Variants in DISC1 observed in about 807,000 individuals in gnomAD.
DISC1 encodes disrupted in schizophrenia 1 protein.
DISC1 carries 57 observed loss-of-function variants against 84.5 expected under a neutral mutation model. The observed-to-expected ratio is 0.67, with a 90% CI of 0.55 to 0.84. DISC1 has a LOEUF of 0.84. Among genes scored for constraint, DISC1 ranks in the 40% least tolerant of loss-of-function variants. The probability of loss-of-function intolerance (pLI) is 0.00; values close to 1 mark genes in which losing one functional copy is unlikely to be tolerated. For missense variants in DISC1, 1,000 were observed against 1,057.8 expected (o/e 0.95, Z 0.76); for synonymous variants, 411 against 415.2 (o/e 0.99, Z 0.12).
chr1:231,698,352 A>G lies in DISC1; in HGVS notation c.1047+3547A>G, dbSNP rs1263547580. On this transcript the variant is annotated intron_variant, in intron 2 of 12. Coordinates refer to ENST00000439617, the MANE Select transcript of DISC1 (RefSeq NM_018662.3). The surrounding 1 kb of genome is among the most constrained non-coding windows in gnomAD (Gnocchi z 4.9). ...GAAATCGCTGCTTAGCGAGATTTCC[A>G]GGGGTTGCATGGGACTGAGAAGATG... is the stretch of plus-strand genomic sequence containing the variant. Among the ~76,000 whole-genome samples, 1 of 152,190 alleles carries G rather than the reference A, an allele frequency of 6.6e-6. No homozygotes were observed. The highest frequency in any genetic ancestry group is 1.5e-5 in the Non-Finnish European group (1 of 68,018).
At chr1:231,762,504 G>GTT in intron 4 of DISC1, among the ~76,000 whole-genome samples, 1 of 78,812 alleles carries the variant, frequency 1.3e-5, no homozygotes, top group African/African-American at 4.5e-5. Flanking sequence ...CTAATTTTTA[G>GTT]TTTTGTTTTG....
At chr1:231,912,853 C>T (rs1445956264) in intron 9 of DISC1, among the ~76,000 whole-genome samples, 3 of 145,296 alleles carry the variant, frequency 2.1e-5, no homozygotes, top group Middle Eastern at 3.4e-3. Flanking sequence ...TCTTCTTCTC[C>T]TCCTCCTCCT....
chr1:231,878,787 C>A (rs1041563673), intron 9 of DISC1, among the ~76,000 whole-genome samples: 1 of 152,148 alleles, frequency 6.6e-6, no homozygotes, highest in Non-Finnish European at 1.5e-5. Context: ...CCTTCCAAGT[C>A]CTCAGCATGT....
At chr1:231,981,031 C>T (rs1377962265) in intron 10 of DISC1, among the ~76,000 whole-genome samples, 2 of 152,242 alleles carry the variant, frequency 1.3e-5, no homozygotes, top group Non-Finnish European at 2.9e-5. Flanking sequence ...ACTGCAGCCT[C>T]AACCTCCTGG....
In DISC1 at chr1:232,026,429, C is replaced by T. The variant is rs576778316; in HGVS notation, c.2308-6C>T. On this transcript the variant is annotated splice_polypyrimidine_tract_variant and splice_region_variant and intron_variant, in intron 11 of 12. Coordinates refer to ENST00000439617, the MANE Select transcript of DISC1 (RefSeq NM_018662.3). ...ACAAGTGATCTTGTTTTCCCCCTCT[C>T]GCCAGGAATCTTACATCCTTTCTGC... is the stretch of plus-strand genomic sequence containing the variant. 34 of 1,583,114 alleles carry T rather than the reference C, an allele frequency of 2.1e-5. No individual in the cohort carries two copies. The East Asian group carries it at 2.7e-4, about 13-fold the overall frequency.
intron 10 of DISC1, among the ~76,000 whole-genome samples, chr1:231,966,682 C>T (rs545325867): frequency 6.6e-6 from 1 of 152,334 alleles, no homozygotes; most frequent in South Asian, 2.1e-4. Context: ...TCTAACTCTA[C>T]TTTTTTTCCT....
chr1:231,649,122 T>A (rs977475406), intron 1 of DISC1, among the ~76,000 whole-genome samples: 51 of 152,222 alleles, frequency 3.4e-4, no homozygotes, highest in African/African-American at 1.2e-3. Flanking sequence ...TTGCTCTTGC[T>A]TCTCTAGTTC....
In DISC1 at chr1:232,033,934, C is replaced by T. The variant is rs140784108; in HGVS notation, c.2426-2758C>T. On this transcript the variant is annotated intron_variant, in intron 12 of 12. Coordinates refer to ENST00000439617, the MANE Select transcript of DISC1 (RefSeq NM_018662.3). ...TTCTAGAGCTATAAATGGCTTATCT[C>T]AATAGTCTTGTTTGCAAAATTAGGA... Among the ~76,000 whole-genome samples the T allele has an allele frequency of 2.6e-5, 4 of 152,218 alleles. No homozygotes were observed. In the East Asian group the frequency reaches 7.7e-4, roughly 29 times the overall value.
At chr1:231,680,489 A>G (rs2063584277) in intron 1 of DISC1, among the ~76,000 whole-genome samples, 1 of 152,202 alleles carries the variant, frequency 6.6e-6, no homozygotes, top group Non-Finnish European at 1.5e-5. Flanking sequence ...GAGTCGTGTT[A>G]TGCTGTTCTT....
intron 1 of DISC1, among the ~76,000 whole-genome samples, chr1:231,650,770 C>A (rs2060548189): frequency 6.6e-6 from 1 of 152,116 alleles, no homozygotes; most frequent in Non-Finnish European, 1.5e-5. Context: ...TCTTTTTACT[C>A]TTTTTTCTCT....
chr1:231,677,795 A>G (rs904216184), intron 1 of DISC1, among the ~76,000 whole-genome samples: 1 of 152,194 alleles, frequency 6.6e-6, no homozygotes, highest in African/African-American at 2.4e-5. Flanking sequence ...CCTGACCAAT[A>G]TGGTGAAACC....
intron 5 of DISC1, among the ~76,000 whole-genome samples, chr1:231,767,613 A>C (rs1169741603): frequency 6.6e-6 from 1 of 152,196 alleles, no homozygotes; most frequent in Non-Finnish European, 1.5e-5. Flanking sequence ...TTTCTTATCC[A>C]TTTAAGCCAA....
intron 9 of DISC1, among the ~76,000 whole-genome samples, chr1:231,911,674 T>G (rs932276404): frequency 1.1e-4 from 17 of 152,122 alleles, no homozygotes; most frequent in African/African-American, 3.9e-4. Flanking sequence ...TTCTTGAGGA[T>G]TATCTTTGTG....
intron 12 of DISC1, among the ~76,000 whole-genome samples, chr1:232,035,145 T>C (rs964481831): frequency 2.6e-5 from 4 of 152,136 alleles, no homozygotes; most frequent in Non-Finnish European, 5.9e-5. Context: ...TCCTCTGGAG[T>C]TCCTTGTTCA....
At chr1:231,683,610 C>T (rs1336649650) in intron 1 of DISC1, among the ~76,000 whole-genome samples, 2 of 151,174 alleles carry the variant, frequency 1.3e-5, no homozygotes, top group East Asian at 3.9e-4. Context: ...CCTCTGTGAC[C>T]AACCCCTCCT....
At chr1:231,774,263 A>T (rs1340535426) in intron 6 of DISC1, among the ~76,000 whole-genome samples, 1 of 152,148 alleles carries the variant, frequency 6.6e-6, no homozygotes, top group Non-Finnish European at 1.5e-5. Flanking sequence ...CAAAGAAAAA[A>T]AAAAGGAATG....
At chr1:231,712,240 C>T (rs2067968712) in intron 3 of DISC1, among the ~76,000 whole-genome samples, 1 of 152,178 alleles carries the variant, frequency 6.6e-6, no homozygotes, top group African/African-American at 2.4e-5. Flanking sequence ...AGACTTCTGG[C>T]TTCTAAAACT....
intron 1 of DISC1, among the ~76,000 whole-genome samples, chr1:231,637,207 A>G (rs894574099): frequency 3.9e-5 from 6 of 152,140 alleles, no homozygotes; most frequent in African/African-American, 7.2e-5. Context: ...TCTATCATTG[A>G]TGGGCATTTG....
At chr1:231,804,503 G>GCTGGGTAAGTGCAGAGGTACCTTACCT (rs546499269) in intron 8 of DISC1, among the ~76,000 whole-genome samples, 1,687 of 151,520 alleles carry the variant, frequency 0.011, 84 homozygotes, top group Admixed American at 0.082. Flanking sequence ...TGTTACCCAG[G>GCTGGGTAAGTGCAGAGGTACCTTACCT]CTGGAGTGCA....
Sources: gnomAD v4.1 joint callset for allele counts (sites outside exome capture counted in the v4.1 genomes callset) on GRCh38, gnomAD v4.1.1 for gene constraint, Gnocchi (gnomAD v3.1) non-coding constraint, MANE v1.5 for transcripts, NCBI Gene and HGNC (gene_info 2026-07-23, HGNC 2026-07-21) for gene names.